The following SOHLH2 variants were observed in gnomAD, a reference collection of about 807,000 sequenced individuals.
SOHLH2 encodes spermatogenesis- and oogenesis-specific basic helix-loop-helix-containing protein 2.
Under a neutral mutation model 50.4 loss-of-function variants are expected in SOHLH2, and 22 were observed. The observed-to-expected ratio is 0.44, with a 90% CI of 0.31 to 0.62. The LOEUF (loss-of-function observed/expected upper bound fraction) is 0.62, where lower values mean the gene tolerates loss of function less well. Ranked by LOEUF, SOHLH2 falls within the 20% of genes least tolerant of loss-of-function variation. The pLI, the probability that SOHLH2 is intolerant of heterozygous loss-of-function variation, is 0.08. For missense variants in SOHLH2, 412 were observed against 504.4 expected (o/e 0.82, Z 1.76); for synonymous variants, 185 against 187.3 (o/e 0.99, Z 0.10).
chr13:36,195,991 G>A (rs1001666765), intron 2 of SOHLH2, among the ~76,000 whole-genome samples: 1 of 152,062 alleles, frequency 6.6e-6, no homozygotes, highest in African/African-American at 2.4e-5. Context: ...ACTGGTGTAG[G>A]TGGTGTGGTG....
chr13:36,197,635 A>T (rs960851015), intron 2 of SOHLH2, among the ~76,000 whole-genome samples: 6 of 152,168 alleles, frequency 3.9e-5, no homozygotes, highest in Non-Finnish European at 5.9e-5. Flanking sequence ...ACAGTTACCC[A>T]CTATTCTGTC....
At chr13:36,182,151 G>A (rs1887274648) in intron 6 of SOHLH2, 1 of 985,396 alleles carries the variant, frequency 1.0e-6, no homozygotes. Context: ...TTTGATTGTG[G>A]CAGCCAAGAC....
At chr13:36,199,702 T>A (rs1480873856) in intron 2 of SOHLH2, among the ~76,000 whole-genome samples, 1 of 152,200 alleles carries the variant, frequency 6.6e-6, no homozygotes, top group East Asian at 1.9e-4. Context: ...CTGAAGTGAG[T>A]ATCAGACAAG....
At chr13:36,182,083 T>C (rs1240431525) in intron 6 of SOHLH2, 2 of 984,348 alleles carry the variant, frequency 2.0e-6, no homozygotes, top group Non-Finnish European at 2.4e-6. Flanking sequence ...AGCAGCTGTA[T>C]ACTGCTAAGA....
chr13:36,203,661 A>C (rs1868565105), intron 1 of SOHLH2, among the ~76,000 whole-genome samples: 1 of 152,196 alleles, frequency 6.6e-6, no homozygotes, highest in African/African-American at 2.4e-5. Context: ...TCATTTCCCC[A>C]AACCCTTAAT....
chr13:36,201,076 AG>A (rs1416199265), intron 2 of SOHLH2, among the ~76,000 whole-genome samples: 9 of 151,226 alleles, frequency 6.0e-5, no homozygotes, highest in Admixed American at 5.3e-4. Context: ...AAAAAAGAAA[AG>A]AAAAGAAGCA....
At chr13:36,189,919 C>T in intron 6 of SOHLH2, 27 bp downstream of exon 6, 1 of 1,549,394 alleles carries the variant, frequency 6.5e-7, no homozygotes, top group South Asian at 1.2e-5. Context: ...AAGAATAATG[C>T]TTAAAAAGTG....
At position 36,198,205 on chromosome 13, in the gene SOHLH2, A is replaced by G. The variant is rs1201444629; in HGVS notation, c.263+3674T>C. On this transcript the variant is annotated intron_variant, in intron 2 of 10. Coordinates refer to ENST00000379881, the MANE Select transcript of SOHLH2 (RefSeq NM_017826.3). ...TCCTGCGTTCCTTTTCTGTTGCTAAACTGCTCTGAGCTCATGAGAATCACA... is the reference window on the plus strand; with the variant it reads ...TCCTGCGTTCCTTTTCTGTTGCTAAGCTGCTCTGAGCTCATGAGAATCACA... Among the ~76,000 whole-genome samples the G allele has an allele frequency of 2.6e-5, 4 of 152,310 alleles. No homozygotes were observed. The East Asian group carries it at 7.7e-4, about 29-fold the overall frequency.
At chr13:36,180,519 A>G (rs1887222405) in intron 6 of SOHLH2, among the ~76,000 whole-genome samples, 1 of 152,010 alleles carries the variant, frequency 6.6e-6, no homozygotes, top group South Asian at 2.1e-4. Flanking sequence ...CAGGTTTGTT[A>G]CATAGCTAGA....
intron 2 of SOHLH2, among the ~76,000 whole-genome samples, chr13:36,200,461 G>C (rs982629329): frequency 6.6e-6 from 1 of 152,074 alleles, no homozygotes; most frequent in Non-Finnish European, 1.5e-5. Flanking sequence ...TTGATGGCTT[G>C]GGCTTCTCAT....
At chr13:36,186,789 G>A (rs1170352060) in intron 6 of SOHLH2, among the ~76,000 whole-genome samples, 1 of 152,114 alleles carries the variant, frequency 6.6e-6, no homozygotes, top group East Asian at 1.9e-4. Flanking sequence ...AAGAATGCGA[G>A]TATCAGAGAA....
intron 9 of SOHLH2, among the ~76,000 whole-genome samples, chr13:36,172,018 C>A (rs1291009925): frequency 6.6e-6 from 1 of 152,140 alleles, no homozygotes; most frequent in African/African-American, 2.4e-5. Flanking sequence ...CACTGGTTTT[C>A]AAACGCAAAA....
At chr13:36,209,650 T>C (rs1427145268) in intron 1 of SOHLH2, among the ~76,000 whole-genome samples, 1 of 152,196 alleles carries the variant, frequency 6.6e-6, no homozygotes, top group African/African-American at 2.4e-5. Context: ...CGCCATCACC[T>C]TAGCAGTTAA....
chr13:36,176,032 A>C (rs1171397623), intron 6 of SOHLH2, among the ~76,000 whole-genome samples: 1 of 152,224 alleles, frequency 6.6e-6, no homozygotes, highest in Non-Finnish European at 1.5e-5. Flanking sequence ...AACACATAAC[A>C]TAGGAGGATG....
At chr13:36,207,161 T>C (rs574111544) in intron 1 of SOHLH2, among the ~76,000 whole-genome samples, 3 of 152,104 alleles carry the variant, frequency 2.0e-5, no homozygotes, top group Admixed American at 2.0e-4. Context: ...ATTTAAGTAA[T>C]TACATTACTG....
intron 1 of SOHLH2, among the ~76,000 whole-genome samples, chr13:36,206,364 T>C (rs563647406): frequency 4.2e-4 from 64 of 152,210 alleles, no homozygotes; most frequent in African/African-American, 1.5e-3. Context: ...AGTGAGTTCA[T>C]GTTCATTCAT....
chr13:36,188,576 A>T (rs1222752054), intron 6 of SOHLH2, among the ~76,000 whole-genome samples: 1 of 152,220 alleles, frequency 6.6e-6, no homozygotes, highest in African/African-American at 2.4e-5. Flanking sequence ...CAATACAAAT[A>T]GTCAGTTACC....
rs1868447100 is a variant in SOHLH2, at chr13:36,201,991, T to G, written c.151A>C (p.Ser51Arg). ...AGCGCTGCTGCCTCCTTCGTGTCAC[T>G]GATGGTGATGGTGACTTCTGCTATG... ...ANIAEVTITI[S>R]DTKEAAALLD... The change falls in exon 2 of 11, where the codon AGT becomes CGT. Residue 51 changes from serine to arginine, a missense_variant. Transcript: ENST00000379881. 1 of 1,614,224 alleles carries G rather than the reference T, an allele frequency of 6.2e-7. No homozygotes were observed. Among genetic ancestry groups the G allele is most frequent in the Non-Finnish European group, 8.5e-7 (1 of 1,180,036 alleles).
intron 6 of SOHLH2, among the ~76,000 whole-genome samples, chr13:36,181,362 CT>C (rs1459904227): frequency 6.6e-6 from 1 of 152,112 alleles, no homozygotes; most frequent in South Asian, 2.1e-4. Context: ...TCTACCATAC[CT>C]TTTTTTCCCT....
Sources: gnomAD v4.1 joint callset for allele counts (sites outside exome capture counted in the v4.1 genomes callset) on GRCh38, gnomAD v4.1.1 for gene constraint, MANE v1.5 for transcripts, NCBI Gene and HGNC (gene_info 2026-07-23, HGNC 2026-07-21) for gene names.